MMS22L: variants seen among roughly 807,000 people sequenced by gnomAD.
MMS22L encodes MMS22 like, DNA repair protein.
Under a neutral mutation model 159.1 loss-of-function variants are expected in MMS22L, and 74 were observed. The observed-to-expected ratio is 0.47, with a 90% CI of 0.39 to 0.56. The LOEUF (loss-of-function observed/expected upper bound fraction) is 0.56. Among genes scored for constraint, MMS22L ranks in the 20% least tolerant of loss-of-function variants. MMS22L has a pLI of 0.00. For missense variants in MMS22L, 1,351 were observed against 1,422.1 expected, an observed-to-expected ratio of 0.95 and a Z score of 0.80; for synonymous variants, 517 against 506.9, an observed-to-expected ratio of 1.02 and a Z score of -0.27.
At chr6:97,217,387 G>A (rs542643960) in intron 14 of MMS22L, among the ~76,000 whole-genome samples, 1 of 152,104 alleles carries the variant, frequency 6.6e-6, no homozygotes, top group South Asian at 2.1e-4. Flanking sequence ...TTGAGTAGCT[G>A]GGATTACAGG....
chr6:97,154,373 AT>A (rs1801622888), intron 22 of MMS22L, among the ~76,000 whole-genome samples: 1 of 152,088 alleles, frequency 6.6e-6, no homozygotes, highest in South Asian at 2.1e-4. Context: ...ATCACATATA[AT>A]TTACAAGTAT....
chr6:97,226,393 G>C (rs1051796146), intron 14 of MMS22L, among the ~76,000 whole-genome samples: 4 of 152,030 alleles, frequency 2.6e-5, no homozygotes, highest in African/African-American at 9.7e-5. Flanking sequence ...TCAGGAATTC[G>C]AGACCAGCCT....
At chr6:97,222,865 A>G (rs990570258) in intron 14 of MMS22L, among the ~76,000 whole-genome samples, 1 of 152,114 alleles carries the variant, frequency 6.6e-6, no homozygotes, top group African/African-American at 2.4e-5. Context: ...TAATTAAAGG[A>G]AAGCTTTTGG....
At chr6:97,149,723 C>G in intron 24 of MMS22L, 130 bp downstream of exon 24, 2 of 915,878 alleles carry the variant, frequency 2.2e-6, no homozygotes, top group Non-Finnish European at 3.1e-6. Flanking sequence ...AATCACAGTA[C>G]TGAAACATTT....
At chr6:97,211,479 C>T (rs1464917109) in intron 14 of MMS22L, among the ~76,000 whole-genome samples, 1 of 151,926 alleles carries the variant, frequency 6.6e-6, no homozygotes, top group African/African-American at 2.4e-5. Flanking sequence ...CTTTCATTTC[C>T]CTAATGTAAA....
intron 6 of MMS22L, chr6:97,271,607 T>C (rs936403447): frequency 3.9e-5 from 6 of 152,240 alleles, no homozygotes; most frequent in Admixed American, 3.3e-4. Flanking sequence ...TATTATTACA[T>C]ATATTGATCT....
chr6:97,270,015 T>C (rs781436812), intron 6 of MMS22L, 23 bp from the exon 7 acceptor site: 2 of 1,550,018 alleles, frequency 1.3e-6, no homozygotes, highest in Non-Finnish European at 8.9e-7. Flanking sequence ...TTATCAACTG[T>C]GATTGAGAAT....
chr6:97,206,329 A>C (rs928360181), intron 14 of MMS22L, among the ~76,000 whole-genome samples: 2 of 151,886 alleles, frequency 1.3e-5, no homozygotes, highest in Non-Finnish European at 2.9e-5. Flanking sequence ...CAAGGAAAAA[A>C]AAAAAAGGCT....
chr6:97,204,668 A>G (rs1307617713), intron 14 of MMS22L, among the ~76,000 whole-genome samples: 4 of 151,568 alleles, frequency 2.6e-5, no homozygotes, highest in African/African-American at 4.8e-5. Context: ...GGTGGCATGC[A>G]CCTGTAGTCC....
At chr6:97,199,847 A>G (rs931086245) in intron 14 of MMS22L, among the ~76,000 whole-genome samples, 1 of 152,104 alleles carries the variant, frequency 6.6e-6, no homozygotes, top group African/African-American at 2.4e-5. Flanking sequence ...ATAGTGCTAA[A>G]CCTGCAGTAC....
Position 97,146,767 on chromosome 6 carries a change from AT to A in MMS22L, c.*38del, listed in dbSNP as rs748065703. 1.2e-5 allele frequency: 15 copies of A among 1,287,012 alleles called. No individual in the cohort carries two copies. Among genetic ancestry groups the A allele is most frequent in the Non-Finnish European group, 1.5e-5 (14 of 910,852 alleles). 79.7% of individuals were successfully genotyped at this position (1,287,012 alleles called of 1,614,324 possible). On this transcript the variant is annotated 3_prime_UTR_variant, in exon 25 of 25. Coordinates refer to ENST00000683635, the MANE Select transcript of MMS22L (RefSeq NM_001350599.2). ...TTAGAGTGGAACAATGTGGCTTTAG[AT>A]ACTGATAATTAATAGACAGGATGAA...
intron 9 of MMS22L, among the ~76,000 whole-genome samples, chr6:97,257,050 G>A (rs1813892952): frequency 6.6e-6 from 1 of 152,066 alleles, no homozygotes; most frequent in Non-Finnish European, 1.5e-5. Flanking sequence ...TGTTATCTGG[G>A]TGTGTTTTTT....
chr6:97,187,333 A>T (rs1805354868), intron 14 of MMS22L, among the ~76,000 whole-genome samples: 1 of 152,198 alleles, frequency 6.6e-6, no homozygotes, highest in South Asian at 2.1e-4. Context: ...TTGCTGATTA[A>T]TTCAATCGAA....
chr6:97,250,499 T>A (rs1263554342), intron 10 of MMS22L, among the ~76,000 whole-genome samples: 1 of 152,208 alleles, frequency 6.6e-6, no homozygotes, highest in Non-Finnish European at 1.5e-5. Context: ...TTTTCCTCTT[T>A]AAACTGTATT....
intron 24 of MMS22L, 117 bp downstream of exon 24, chr6:97,149,736 C>A (rs771188099): frequency 9.7e-7 from 1 of 1,030,530 alleles, no homozygotes; most frequent in Non-Finnish European, 1.3e-6. Flanking sequence ...AAACATTTTT[C>A]ATCTCAAAAG....
At chr6:97,176,437 TAATAC>T (rs1582472034) in intron 18 of MMS22L, among the ~76,000 whole-genome samples, 2 of 152,148 alleles carry the variant, frequency 1.3e-5, no homozygotes, top group African/African-American at 4.8e-5. Context: ...AGAAAAGAGT[TAATAC>T]AGCAGACCCA....
chr6:97,185,205 T>C (rs1467660443), intron 15 of MMS22L, among the ~76,000 whole-genome samples: 1 of 152,142 alleles, frequency 6.6e-6, no homozygotes, highest in Non-Finnish European at 1.5e-5. Context: ...ATTACACTAT[T>C]TACTCATTTA....
chr6:97,269,322 A>G (rs1364205811), intron 7 of MMS22L, among the ~76,000 whole-genome samples: 1 of 152,136 alleles, frequency 6.6e-6, no homozygotes, highest in African/African-American at 2.4e-5. Context: ...ATATATCAGC[A>G]GGACTTACTA....
At chr6:97,246,105 T>A (rs1812611608) in intron 11 of MMS22L, 1 of 423,544 alleles carries the variant, frequency 2.4e-6, no homozygotes, top group South Asian at 1.7e-5. Context: ...AAAACTATTT[T>A]AAAAGGAGGT....
Sources: gnomAD v4.1 joint callset for allele counts (sites outside exome capture counted in the v4.1 genomes callset) on GRCh38, gnomAD v4.1.1 for gene constraint, MANE v1.5 for transcripts, NCBI Gene and HGNC (gene_info 2026-07-23, HGNC 2026-07-21) for gene names.